Variants in BANK1 observed in about 807,000 individuals in gnomAD.
The protein encoded by BANK1 is B cell scaffold protein with ankyrin repeats 1.
In BANK1, 95 loss-of-function variants were observed where a neutral mutation model predicts 94.5. The ratio of observed to expected loss-of-function variants is 1.00; its 90% CI spans 0.85 to 1.19. BANK1 has a LOEUF of 1.19. Ranked by LOEUF, BANK1 falls within the 50% of genes most tolerant of loss-of-function variation. The probability of loss-of-function intolerance (pLI) is 0.00; values close to 1 mark genes in which losing one functional copy is unlikely to be tolerated. For synonymous variants in BANK1, 334 were observed against 308.4 expected, an observed-to-expected ratio of 1.08 and a Z score of -0.87; for missense variants, 987 against 932.2, an observed-to-expected ratio of 1.06 and a Z score of -0.77.
At chr4:101,833,640 T>C (rs945453543) in intron 2 of BANK1, among the ~76,000 whole-genome samples, 17 of 152,210 alleles carry the variant, frequency 1.1e-4, no homozygotes, top group African/African-American at 4.1e-4. Context: ...GTCTTTTCTC[T>C]GTTTCCTCCT....
rs768656807 is a variant in BANK1, at chr4:102,043,903, A to T, written c.1965A>T (p.Lys655Asn). 1.3e-6 allele frequency: 2 copies of T among 1,581,588 alleles called. No individual in the cohort carries two copies. The highest frequency in any genetic ancestry group is 1.7e-6 in the Non-Finnish European group (2 of 1,152,376). Residue 655 changes from lysine to asparagine, a missense_variant, in exon 11 of 17, where the codon AAA (lysine) becomes AAT (asparagine). Lys to Asn is a moderately conservative substitution (Grantham distance 94, BLOSUM62 0). Coordinates refer to ENST00000322953, the MANE Select transcript of BANK1 (RefSeq NM_017935.5). The stretch of plus-strand genomic sequence containing the variant: ...ACAAGTTCTGTGGTCTTCCTAAGAA[A>T]CAAGGTACTAACACTAACTTCAATC... Reference protein sequence around the residue: ...DDDKFCGLPKKQDRARIESPA... With the variant: ...DDDKFCGLPKNQDRARIESPA...
chr4:101,932,506 T>C (rs1035598600), intron 7 of BANK1, among the ~76,000 whole-genome samples: 3 of 151,516 alleles, frequency 2.0e-5, no homozygotes, highest in Non-Finnish European at 4.4e-5. Flanking sequence ...TAATTGGTAG[T>C]ATGTCAGAAA....
chr4:101,858,873 C>T (rs549925782), intron 3 of BANK1, among the ~76,000 whole-genome samples: 56 of 152,256 alleles, frequency 3.7e-4, no homozygotes, highest in Admixed American at 1.2e-3. Context: ...TGTTCATTGA[C>T]ACACTTCTAA....
intron 7 of BANK1, among the ~76,000 whole-genome samples, chr4:101,934,590 C>T (rs1177138818): frequency 6.6e-6 from 1 of 151,462 alleles, no homozygotes; most frequent in African/African-American, 2.4e-5. Context: ...CAAAACAAGA[C>T]AATCAAGAAT....
At chr4:101,795,245 A>G (rs900343998) in intron 1 of BANK1, among the ~76,000 whole-genome samples, 1 of 152,168 alleles carries the variant, frequency 6.6e-6, no homozygotes, top group Admixed American at 6.5e-5. Context: ...TTGAATTCAT[A>G]TGAAATGGGA....
At chr4:101,861,752 TA>T (rs1232405743) in intron 3 of BANK1, among the ~76,000 whole-genome samples, 1 of 152,020 alleles carries the variant, frequency 6.6e-6, no homozygotes, top group Non-Finnish European at 1.5e-5. Context: ...TATATTTATT[TA>T]AAAAGTGCTG....
intron 5 of BANK1, among the ~76,000 whole-genome samples, chr4:101,884,544 C>T (rs1479022755): frequency 6.6e-6 from 1 of 152,122 alleles, no homozygotes; most frequent in African/African-American, 2.4e-5. Context: ...TACATGTTAT[C>T]TCATTGGTTC....
chr4:102,059,670 AG>A (rs1728347415), intron 11 of BANK1, among the ~76,000 whole-genome samples: 1 of 152,240 alleles, frequency 6.6e-6, no homozygotes, highest in Non-Finnish European at 1.5e-5. Flanking sequence ...TCTTTTGAAA[AG>A]GAAGCATTTC....
At chr4:101,814,118 A>G (rs1255255230) in intron 1 of BANK1, among the ~76,000 whole-genome samples, 2 of 152,218 alleles carry the variant, frequency 1.3e-5, no homozygotes, top group African/African-American at 2.4e-5. Flanking sequence ...CTTGAAAGAT[A>G]TTAGTGTCAC....
intron 1 of BANK1, among the ~76,000 whole-genome samples, chr4:101,801,054 A>C (rs1725342113): frequency 6.6e-6 from 1 of 152,282 alleles, no homozygotes. Flanking sequence ...GATTGCTATA[A>C]TCTTACATGT....
chr4:101,998,243 A>C (rs1725947163), intron 7 of BANK1, among the ~76,000 whole-genome samples: 1 of 152,048 alleles, frequency 6.6e-6, no homozygotes, highest in Non-Finnish European at 1.5e-5. Context: ...GAGTTTCTTA[A>C]TCCTGAGTTC....
intron 10 of BANK1, among the ~76,000 whole-genome samples, chr4:102,043,596 T>G (rs1727774733): frequency 1.3e-5 from 2 of 152,056 alleles, no homozygotes; most frequent in African/African-American, 4.8e-5. Context: ...TTTAAATAGT[T>G]TAATGAGGCA....
intron 2 of BANK1, among the ~76,000 whole-genome samples, chr4:101,831,083 T>C (rs1470541955): frequency 6.6e-6 from 1 of 152,228 alleles, no homozygotes; most frequent in Non-Finnish European, 1.5e-5. Context: ...CTCCTTCATG[T>C]GTCTCTCATG....
intron 7 of BANK1, among the ~76,000 whole-genome samples, chr4:101,984,352 A>T (rs917451274): frequency 5.9e-5 from 9 of 152,010 alleles, no homozygotes. Flanking sequence ...TGAAAATGAC[A>T]CTAAGTAGTT....
At position 102,071,311 on chromosome 4, in the gene BANK1, G is replaced by A. The variant is rs778648118; in HGVS notation, c.2242+7G>A. The A allele has an allele frequency of 1.9e-6, 3 of 1,613,348 alleles. No individual in the cohort carries two copies. The highest frequency in any genetic ancestry group is 2.5e-6 in the Non-Finnish European group (3 of 1,179,412). On this transcript the variant is annotated splice_region_variant and intron_variant, in intron 14 of 16. Transcript: ENST00000322953. ...ATTGTGCACCATCCAGGTGGTAAGTGCTTGGTATTTATTGAAGGATCTAAG... is the reference window on the plus strand; with the variant it reads ...ATTGTGCACCATCCAGGTGGTAAGTACTTGGTATTTATTGAAGGATCTAAG...
At chr4:101,892,841 A>G (rs183644546) in intron 5 of BANK1, among the ~76,000 whole-genome samples, 90 of 152,096 alleles carry the variant, frequency 5.9e-4, no homozygotes, top group Admixed American at 3.3e-4. Context: ...GAAAGGATAC[A>G]TATTGTGTCT....
intron 7 of BANK1, among the ~76,000 whole-genome samples, chr4:101,985,772 C>T (rs1725465000): frequency 6.6e-6 from 1 of 152,012 alleles, no homozygotes; most frequent in African/African-American, 2.4e-5. Context: ...AATCTACATT[C>T]AACATCTAAT....
intron 7 of BANK1, among the ~76,000 whole-genome samples, chr4:102,017,388 T>G (rs1726740390): frequency 6.6e-6 from 1 of 152,192 alleles, no homozygotes. Flanking sequence ...TCCTCAAGCC[T>G]GATATTCATA....
chr4:102,045,453 G>A (rs1028157198), intron 11 of BANK1, among the ~76,000 whole-genome samples: 1 of 152,114 alleles, frequency 6.6e-6, no homozygotes, highest in Non-Finnish European at 1.5e-5. Context: ...CAATGAGGCA[G>A]GAGAAGGAAA....
Sources: allele counts gnomAD v4.1 joint callset (sites outside exome capture counted in the v4.1 genomes callset), GRCh38; gene constraint gnomAD v4.1.1; transcripts MANE v1.5; gene names NCBI Gene and HGNC (gene_info 2026-07-23, HGNC 2026-07-21).